The following RNF19A variants were observed in gnomAD, a reference collection of about 807,000 sequenced individuals.
RNF19A encodes the protein E3 ubiquitin-protein ligase RNF19A.
Under a neutral mutation model 75.7 loss-of-function variants are expected in RNF19A, and 32 were observed. The ratio of observed to expected loss-of-function variants is 0.42; its 90% confidence interval spans 0.32 to 0.57. The LOEUF is 0.57. Among genes scored for constraint, RNF19A ranks in the 20% least tolerant of loss-of-function variants. The probability of loss-of-function intolerance (pLI) is 0.10; values close to 1 mark genes in which losing one functional copy is unlikely to be tolerated. For synonymous variants in RNF19A, 335 were observed against 345.2 expected (o/e 0.97, Z 0.33); for missense variants, 782 against 1,036.3 (o/e 0.75, Z 3.37).
At position 100,329,170 on chromosome 8, in the gene RNF19A, GC is replaced by G. The variant is rs920131979; in HGVS notation, c.-243+6937del. Among the ~76,000 whole-genome samples the G allele has an allele frequency of 5.5e-4, 83 of 152,272 alleles. No individual in the cohort carries two copies. Among genetic ancestry groups the G allele is most frequent in the African/African-American group, 2.0e-3 (82 of 41,550 alleles). ...GTTCATCCAGAACTGCTGGCACAAA[GC>G]AAAAGTGGGTGCAAAGGTTGGCAGT... On this transcript the variant is annotated intron_variant, in intron 1 of 3. Coordinates refer to the RNF19A transcript ENST00000519527. This position sits in a 1 kb window ranked among gnomAD's most constrained non-coding sequence, Gnocchi z 4.3.
At chr8:100,276,916 A>T (rs916215656) in intron 2 of RNF19A, among the ~76,000 whole-genome samples, 3 of 152,136 alleles carry the variant, frequency 2.0e-5, no homozygotes, top group Non-Finnish European at 2.9e-5. Context: ...GATTGTGTCT[A>T]TGCCAATATC....
rs1820481538 is a variant in RNF19A, at chr8:100,275,839, G to A, written c.675-678C>T. ...ACTATAGGTTAGTTTTAACTGTCAGGTAATGGCATACTGTGCCAATTTATA... is the reference window on the plus strand; with the variant it reads ...ACTATAGGTTAGTTTTAACTGTCAGATAATGGCATACTGTGCCAATTTATA... On this transcript the variant is annotated intron_variant, in intron 2 of 9. Transcript: ENST00000341084. This position sits in a 1 kb window ranked among gnomAD's most constrained non-coding sequence, Gnocchi z 4.3. Among the ~76,000 whole-genome samples the A allele has an allele frequency of 6.6e-6, 1 of 152,062 alleles. No homozygotes were observed. The highest frequency in any genetic ancestry group is 1.5e-5 in the Non-Finnish European group (1 of 67,998).
At chr8:100,313,400 T>G (rs1157643371), upstream of RNF19A, 1 of 728,954 alleles carries the variant, frequency 1.4e-6, no homozygotes, top group East Asian at 1.3e-4. Flanking sequence ...GGCAAACTAG[T>G]TAGGAGGTGG....
chr8:100,308,658 A>AT (rs1563868946), intron 1 of RNF19A, among the ~76,000 whole-genome samples: 1 of 149,418 alleles, frequency 6.7e-6, no homozygotes, highest in Non-Finnish European at 1.5e-5. Flanking sequence ...AAGAAAAGAT[A>AT]TTTTAAAAAA....
At chr8:100,277,524 G>A (rs989341949) in intron 2 of RNF19A, among the ~76,000 whole-genome samples, 4 of 152,152 alleles carry the variant, frequency 2.6e-5, no homozygotes, top group Non-Finnish European at 5.9e-5. Flanking sequence ...GTGTTAGCCA[G>A]GATGGTCTTG....
At chr8:100,301,405 T>A (rs369352344) in intron 1 of RNF19A, among the ~76,000 whole-genome samples, 1 of 152,230 alleles carries the variant, frequency 6.6e-6, no homozygotes, top group Non-Finnish European at 1.5e-5. Flanking sequence ...TTTCCACTGG[T>A]TTCCCCGAGA....
chr8:100,268,021 G>A (rs984606899), intron 5 of RNF19A, among the ~76,000 whole-genome samples: 2 of 151,382 alleles, frequency 1.3e-5, no homozygotes, highest in Non-Finnish European at 1.5e-5. Context: ...GTTCTGCTTG[G>A]GTACAAGGTT....
chr8:100,283,837 T>A (rs887738129), intron 2 of RNF19A, among the ~76,000 whole-genome samples: 1 of 152,230 alleles, frequency 6.6e-6, no homozygotes, highest in Non-Finnish European at 1.5e-5. Flanking sequence ...ACTACCTATA[T>A]GCCTATGGTC....
upstream of RNF19A, among the ~76,000 whole-genome samples, chr8:100,313,911 T>TTTTTTTTTTTTTTA (rs1563872294): frequency 2.0e-5 from 3 of 151,116 alleles, no homozygotes; most frequent in African/African-American, 4.9e-5. Context: ...ACTTTTTTTT[T>TTTTTTTTTTTTTTA]GAGACAGAGT....
chr8:100,285,418 C>A (rs899645732), intron 2 of RNF19A, among the ~76,000 whole-genome samples: 4 of 152,054 alleles, frequency 2.6e-5, no homozygotes, highest in Admixed American at 2.6e-4. Flanking sequence ...AAATCAAGTT[C>A]TTATACAAAT....
rs1463083687 is a variant in RNF19A at position 100,333,455 on chromosome 8, T to A, written c.-243+2653A>T. Among the ~76,000 whole-genome samples, 2 of 152,160 alleles carry A rather than the reference T, an allele frequency of 1.3e-5. No homozygotes were observed. Among genetic ancestry groups the A allele is most frequent in the African/African-American group, 4.8e-5 (2 of 41,428 alleles). On this transcript the variant is annotated intron_variant, in intron 1 of 3. Transcript: ENST00000519527. This position sits in a 1 kb window ranked among gnomAD's most constrained non-coding sequence, Gnocchi z 4.7. ...TAAAGCTATTAATGACAAGAGAAAATGCTCACACTATTATATTAGAGGCAA... is the reference window on the plus strand; with the variant it reads ...TAAAGCTATTAATGACAAGAGAAAAAGCTCACACTATTATATTAGAGGCAA...
chr8:100,264,973 T>C lies in RNF19A; in HGVS notation c.1192-188A>G, dbSNP rs1819902966. 6.6e-6 allele frequency among the ~76,000 whole-genome samples: 1 copy of C among 152,250 alleles called. No individual in the cohort carries two copies. The highest frequency in any genetic ancestry group is 1.5e-5 in the Non-Finnish European group (1 of 68,038). ...TTCTCACAAATAATTTGCTCCTTAT[T>C]AATTTGCTTAAGACAGTGATTTAAT... is the stretch of plus-strand genomic sequence containing the variant. On this transcript the variant is annotated intron_variant, in intron 5 of 9. Coordinates refer to ENST00000341084, the MANE Select transcript of RNF19A (RefSeq NM_183419.4). The surrounding 1 kb of genome is among the most constrained non-coding windows in gnomAD (Gnocchi z 4.7).
At chr8:100,290,432 T>A (rs1163896424) in intron 1 of RNF19A, among the ~76,000 whole-genome samples, 1 of 152,194 alleles carries the variant, frequency 6.6e-6, no homozygotes, top group East Asian at 1.9e-4. Flanking sequence ...GTATGCATAG[T>A]GGTTACAAAG....
intron 2 of RNF19A, among the ~76,000 whole-genome samples, chr8:100,281,188 C>G (rs775331563): frequency 6.6e-6 from 1 of 152,134 alleles, no homozygotes; most frequent in Non-Finnish European, 1.5e-5. Flanking sequence ...AGTGGATGGA[C>G]AGCAAGAAAG....
chr8:100,335,485 A>T (rs1018537479), intron 1 of RNF19A, among the ~76,000 whole-genome samples: 1 of 152,216 alleles, frequency 6.6e-6, no homozygotes, highest in Non-Finnish European at 1.5e-5. Flanking sequence ...GAATTGAGAA[A>T]AAAAGAAACC....
In RNF19A at chr8:100,264,353, T is replaced by C; in HGVS notation, c.1307-158A>G. The C allele has an allele frequency of 1.5e-6, 1 of 662,402 alleles. No homozygotes were observed. The highest frequency in any genetic ancestry group is 2.5e-6 in the Non-Finnish European group (1 of 402,494). 41.0% of individuals were successfully genotyped at this position (662,402 alleles called of 1,614,324 possible). A position where few individuals can be genotyped will look rare whatever the true frequency, so the allele number is the denominator to read the frequency against. ...TTTGCCAAAAGTAGATTTACCCAGT[T>C]GTTAAGCAAATTCAAGGTTCCCAGC... On this transcript the variant is annotated intron_variant, in intron 6 of 9. Transcript: ENST00000341084. The surrounding 1 kb of genome is among the most constrained non-coding windows in gnomAD (Gnocchi z 4.7).
rs780734226 is a variant in RNF19A, at chr8:100,288,102, T to C, written c.73A>G (p.Ile25Val). ...GLCVNTDPVS[I>V]LTSILDMSLH... is the part of the protein sequence containing the mutation. ...CTCATGTCTAAAATGCTTGTTAGAA[T>C]TGAGACAGGGTCAGTGTTTACACAC... Residue 25 changes from isoleucine to valine, a missense_variant, in exon 2 of 10, where the codon ATT becomes GTT. By Grantham distance (29) the Ile-to-Val change is conservative. Coordinates refer to ENST00000341084, the MANE Select transcript of RNF19A (RefSeq NM_183419.4). 6.2e-7 allele frequency: 1 copy of C among 1,614,120 alleles called. No homozygotes were observed. The highest frequency in any genetic ancestry group is 1.7e-5 in the Admixed American group (1 of 60,026).
In RNF19A at chr8:100,330,635, C is replaced by T. The variant is rs1024043693; in HGVS notation, c.-243+5473G>A. On this transcript the variant is annotated intron_variant, in intron 1 of 3. Coordinates refer to the RNF19A transcript ENST00000519527. This position sits in a 1 kb window ranked among gnomAD's most constrained non-coding sequence, Gnocchi z 4.1. ...TGTTGGGGAGGGTGGAGAAAGAGAA[C>T]GAATATCCTGATGATATTGTTGAGT... Among the ~76,000 whole-genome samples, 11 of 152,306 alleles carry T rather than the reference C, an allele frequency of 7.2e-5. No individual in the cohort carries two copies. The highest frequency in any genetic ancestry group is 1.9e-4 in the African/African-American group (8 of 41,570).
At chr8:100,310,345 A>G, upstream of RNF19A, 1 of 701,184 alleles carries the variant, frequency 1.4e-6, no homozygotes, top group Non-Finnish European at 1.8e-6. Context: ...TCCCTGGCGG[A>G]GGGGACTTCG....
Sources: gnomAD v4.1 joint callset for allele counts (sites outside exome capture counted in the v4.1 genomes callset) on GRCh38, gnomAD v4.1.1 for gene constraint, Gnocchi (gnomAD v3.1) non-coding constraint, MANE v1.5 for transcripts, NCBI Gene and HGNC (gene_info 2026-07-23, HGNC 2026-07-21) for gene names.